FAR1: variants seen among roughly 807,000 people sequenced by gnomAD.
FAR1 encodes male sterility domain-containing protein 2.
A neutral mutation model predicts 61.1 loss-of-function variants in FAR1; 22 were observed. The ratio of observed to expected loss-of-function variants is 0.36; its 90% CI spans 0.26 to 0.51. FAR1 has a LOEUF of 0.51. Among genes scored for constraint, FAR1 ranks in the 20% least tolerant of loss-of-function variants. FAR1 has a pLI of 0.95. For missense variants in FAR1, 359 were observed against 626.9 expected, an observed-to-expected ratio of 0.57 and a Z score of 4.56; for synonymous variants, 206 against 209.7, an observed-to-expected ratio of 0.98 and a Z score of 0.15.
intron 10 of FAR1, chr11:13,723,530 T>C: frequency 3.3e-6 from 1 of 305,738 alleles, no homozygotes; most frequent in Non-Finnish European, 6.4e-6. Flanking sequence ...AGTATCACTA[T>C]GATAGTGGGT....
intron 4 of FAR1, among the ~76,000 whole-genome samples, chr11:13,709,078 C>T (rs1467054586): frequency 6.6e-6 from 1 of 152,012 alleles, no homozygotes; most frequent in Non-Finnish European, 1.5e-5. Flanking sequence ...TTTGTTAATC[C>T]TTATATAATA....
intron 3 of FAR1, among the ~76,000 whole-genome samples, chr11:13,701,549 A>T (rs1020310439): frequency 3.3e-5 from 5 of 152,102 alleles, no homozygotes; most frequent in South Asian, 2.1e-4. Flanking sequence ...ATTAAGAATT[A>T]AAAAAATTAA....
At chr11:13,708,220 CA>C (rs1299587713) in intron 4 of FAR1, 141 bp downstream of exon 4, 2 of 498,278 alleles carry the variant, frequency 4.0e-6, no homozygotes, top group Non-Finnish European at 6.6e-6. Context: ...AAAAATTAGC[CA>C]GGCATGGTGG....
At chr11:13,706,649 T>C (rs1259008527) in intron 3 of FAR1, among the ~76,000 whole-genome samples, 1 of 152,152 alleles carries the variant, frequency 6.6e-6, no homozygotes. Flanking sequence ...ACTCTTTTTG[T>C]AATTTTTAAA....
rs1848035565 is a variant in FAR1 at position 13,673,739 on chromosome 11, G to A, written c.-8+4933G>A. Among the ~76,000 whole-genome samples the A allele has an allele frequency of 3.9e-5, 6 of 152,274 alleles. No individual in the cohort carries two copies. The South Asian group carries it at 1.2e-3, about 32-fold the overall frequency. On this transcript the variant is annotated intron_variant, in intron 1 of 11. Coordinates refer to ENST00000354817, the MANE Select transcript of FAR1 (RefSeq NM_032228.6). Reference sequence around the variant, plus strand: ...TTTTCATATTTTAGAATTTTTTGAAGATGTATATTGTCTATATTTACTTCA... The same window carrying A: ...TTTTCATATTTTAGAATTTTTTGAAAATGTATATTGTCTATATTTACTTCA...
intron 5 of FAR1, 57 bp downstream of exon 5, chr11:13,710,927 C>G: frequency 6.8e-7 from 1 of 1,475,110 alleles, no homozygotes; most frequent in East Asian, 2.3e-5. Flanking sequence ...AGTTGTAACT[C>G]TGTATAAAAA....
At chr11:13,676,383 CCTT>C (rs1220843344) in intron 1 of FAR1, among the ~76,000 whole-genome samples, 1 of 152,010 alleles carries the variant, frequency 6.6e-6, no homozygotes. Context: ...TGCATAAATA[CCTT>C]TTTTTCCCCC....
intron 1 of FAR1, among the ~76,000 whole-genome samples, chr11:13,682,223 AGT>A (rs1298394893): frequency 6.6e-6 from 1 of 152,242 alleles, no homozygotes; most frequent in African/African-American, 2.4e-5. Context: ...GCCATTTTAC[AGT>A]GTGTCAGTAA....
chr11:13,720,496 G>T (rs1207512980), intron 9 of FAR1: 1 of 151,916 alleles, frequency 6.6e-6, no homozygotes, highest in Non-Finnish European at 1.5e-5. Context: ...TTGTGTTTGA[G>T]ATTTTATTTT....
At chr11:13,696,916 A>T (rs1848312442) in intron 2 of FAR1, among the ~76,000 whole-genome samples, 1 of 152,264 alleles carries the variant, frequency 6.6e-6, no homozygotes, top group South Asian at 2.1e-4. Flanking sequence ...ATTGACTTAT[A>T]GCAGGGTTTC....
chr11:13,717,235 A>G (rs1848566905), intron 9 of FAR1, among the ~76,000 whole-genome samples: 1 of 151,880 alleles, frequency 6.6e-6, no homozygotes, highest in South Asian at 2.1e-4. Context: ...AATCTGGTCA[A>G]TTGGCGGATG....
intron 4 of FAR1, 149 bp from the exon 5 acceptor site, chr11:13,710,544 A>C: frequency 1.6e-6 from 1 of 622,876 alleles, no homozygotes; most frequent in South Asian, 2.8e-5. Flanking sequence ...TTTAAGAAAA[A>C]TAAGACTAAG....
intron 10 of FAR1, among the ~76,000 whole-genome samples, chr11:13,725,220 T>C (rs1848657111): frequency 6.6e-6 from 1 of 152,136 alleles, no homozygotes; most frequent in Non-Finnish European, 1.5e-5. Context: ...GCATAGGGCA[T>C]TCATATGTTC....
chr11:13,712,291 G>GAA (rs34685022), intron 7 of FAR1, among the ~76,000 whole-genome samples: 48 of 131,078 alleles, frequency 3.7e-4, no homozygotes, highest in African/African-American at 1.3e-3. Flanking sequence ...ACTTAAAAAT[G>GAA]AAAAAAAAAA....
At chr11:13,713,361 A>G (rs1848521547) in intron 8 of FAR1, among the ~76,000 whole-genome samples, 1 of 149,862 alleles carries the variant, frequency 6.7e-6, no homozygotes. Flanking sequence ...GAGCACCCTC[A>G]GTCTTGATGT....
In FAR1 at chr11:13,681,783, TG is replaced by T. The variant is rs1379493080; in HGVS notation, c.-7-12974del. On this transcript the variant is annotated intron_variant, in intron 1 of 11. Transcript: ENST00000354817. ...AAAATTGTGGAAGAAAATAAAATGGTGGTTGTTTTAAAACACTAAGTTTTAG... is the reference window on the plus strand; with the variant it reads ...AAAATTGTGGAAGAAAATAAAATGGTGTTGTTTTAAAACACTAAGTTTTAG... 2.6e-5 allele frequency among the ~76,000 whole-genome samples: 4 copies of T among 152,120 alleles called. No individual in the cohort carries two copies. The East Asian group carries it at 7.7e-4, about 29-fold the overall frequency.
chr11:13,680,755 C>A (rs1252912813), intron 1 of FAR1, among the ~76,000 whole-genome samples: 1 of 152,112 alleles, frequency 6.6e-6, no homozygotes, highest in East Asian at 1.9e-4. Context: ...CCACATGACC[C>A]AAACACCTCC....
At chr11:13,696,076 C>T (rs1441250090) in intron 2 of FAR1, among the ~76,000 whole-genome samples, 1 of 152,030 alleles carries the variant, frequency 6.6e-6, no homozygotes, top group African/African-American at 2.4e-5. Flanking sequence ...GCTGTAAAAC[C>T]ACAAGGCTTG....
Position 13,721,555 on chromosome 11 carries a change from C to T in FAR1, c.1128-175C>T. ...TTTCCTTTTGGATTTATAAATTGTT[C>T]ATCCAAGATGCAGAAATAGTCTTAT... is the stretch of plus-strand genomic sequence containing the variant. On this transcript the variant is annotated intron_variant, in intron 9 of 11. Transcript: ENST00000354817. The surrounding 1 kb of genome is among the most constrained non-coding windows in gnomAD (Gnocchi z 4.2). 1.9e-6 allele frequency: 1 copy of T among 513,976 alleles called. No homozygotes were observed. The highest frequency in any genetic ancestry group is 3.3e-6 in the Non-Finnish European group (1 of 304,026). 31.8% of individuals were successfully genotyped at this position (513,976 alleles called of 1,614,324 possible).
Sources: gnomAD v4.1 joint callset for allele counts (sites outside exome capture counted in the v4.1 genomes callset) on GRCh38, gnomAD v4.1.1 for gene constraint, Gnocchi (gnomAD v3.1) non-coding constraint, MANE v1.5 for transcripts, NCBI Gene and HGNC (gene_info 2026-07-23, HGNC 2026-07-21) for gene names.